Variants in TMEM135 observed in about 807,000 individuals in gnomAD.
TMEM135 encodes peroxisomal membrane protein 52.
Under a neutral mutation model 60.3 loss-of-function variants are expected in TMEM135, and 30 were observed. The observed-to-expected ratio is 0.50, with a 90% CI of 0.37 to 0.68. The LOEUF is 0.68. Ranked by LOEUF, TMEM135 falls within the 30% of genes least tolerant of loss-of-function variation. The probability of loss-of-function intolerance (pLI) is 0.00; values close to 1 mark genes in which losing one functional copy is unlikely to be tolerated. For missense variants in TMEM135, 468 were observed against 548.8 expected, an observed-to-expected ratio of 0.85 and a Z score of 1.47; for synonymous variants, 190 against 186.7, an observed-to-expected ratio of 1.02 and a Z score of -0.14.
intron 5 of TMEM135, among the ~76,000 whole-genome samples, chr11:87,165,888 TAAA>T (rs1261061745): frequency 6.7e-6 from 1 of 150,136 alleles, no homozygotes; most frequent in African/African-American, 2.5e-5. Flanking sequence ...ATAGACGCAA[TAAA>T]AAATGATAAA....
At chr11:87,087,638 C>T (rs78363077) in intron 3 of TMEM135, among the ~76,000 whole-genome samples, 2,273 of 152,230 alleles carry the variant, frequency 0.015, 62 homozygotes, top group African/African-American at 0.052. Context: ...GTGTTATACT[C>T]GGCTTAATCA....
intron 4 of TMEM135, among the ~76,000 whole-genome samples, chr11:87,129,633 C>T (rs893321219): frequency 4.0e-5 from 6 of 150,716 alleles, no homozygotes; most frequent in East Asian, 1.9e-4. Context: ...CTCTGCCCCC[C>T]GGGTTCAAGC....
intron 3 of TMEM135, among the ~76,000 whole-genome samples, chr11:87,082,777 A>G (rs1158747572): frequency 6.6e-6 from 1 of 152,214 alleles, no homozygotes; most frequent in African/African-American, 2.4e-5. Flanking sequence ...AATATACGAG[A>G]AAGAGTAGAA....
chr11:87,066,355 C>T (rs1000215555), intron 1 of TMEM135, among the ~76,000 whole-genome samples: 2 of 152,056 alleles, frequency 1.3e-5, no homozygotes, highest in Admixed American at 1.3e-4. Flanking sequence ...TCCTGCCTTC[C>T]CCTGTATTAA....
intron 10 of TMEM135, among the ~76,000 whole-genome samples, chr11:87,311,107 CTATATA>C (rs10572803): frequency 6.7e-6 from 1 of 148,478 alleles, no homozygotes; most frequent in Non-Finnish European, 1.5e-5. Context: ...ATATATATGT[CTATATA>C]TATATATATA....
At chr11:87,061,076 T>G (rs1177969019) in intron 1 of TMEM135, among the ~76,000 whole-genome samples, 1 of 152,168 alleles carries the variant, frequency 6.6e-6, no homozygotes, top group Non-Finnish European at 1.5e-5. Context: ...GGGGTAAAGA[T>G]TGTTATGAAA....
intron 7 of TMEM135, 48 bp downstream of exon 7, chr11:87,295,871 TA>T (rs773727061): frequency 3.5e-5 from 49 of 1,419,038 alleles, no homozygotes; most frequent in South Asian, 4.8e-5. Context: ...CAAGTTAACT[TA>T]AAAAATTATA....
chr11:87,298,763 G>C (rs1942390839), intron 7 of TMEM135, among the ~76,000 whole-genome samples: 1 of 126,858 alleles, frequency 7.9e-6, no homozygotes, highest in Non-Finnish European at 1.6e-5. Flanking sequence ...CTCCAGCCTG[G>C]GTGACAGAGT....
At chr11:87,095,542 A>T in intron 4 of TMEM135, 1 of 199,694 alleles carries the variant, frequency 5.0e-6, no homozygotes, top group Non-Finnish European at 1.1e-5. Flanking sequence ...TGATACATTT[A>T]AGCCTGTCCG....
At chr11:87,285,465 A>G (rs1257129015) in intron 6 of TMEM135, among the ~76,000 whole-genome samples, 1 of 151,776 alleles carries the variant, frequency 6.6e-6, no homozygotes, top group Non-Finnish European at 1.5e-5. Flanking sequence ...GGGTTCATGG[A>G]CTCACTGGCT....
intron 4 of TMEM135, among the ~76,000 whole-genome samples, chr11:87,107,666 A>G (rs1169522275): frequency 6.6e-6 from 1 of 152,138 alleles, no homozygotes; most frequent in Non-Finnish European, 1.5e-5. Context: ...GCTATCATTA[A>G]TGGACATTTG....
At chr11:87,063,238 A>G (rs1375004041) in intron 1 of TMEM135, among the ~76,000 whole-genome samples, 6 of 152,232 alleles carry the variant, frequency 3.9e-5, no homozygotes, top group Non-Finnish European at 8.8e-5. Flanking sequence ...TTCCTAGGGC[A>G]TGAAATAGTC....
chr11:87,089,149 C>A (rs1857155633), intron 3 of TMEM135, among the ~76,000 whole-genome samples: 1 of 152,056 alleles, frequency 6.6e-6, no homozygotes, highest in African/African-American at 2.4e-5. Context: ...TATGCAAATA[C>A]TACAAAATAC....
At position 87,083,702 on chromosome 11, in the gene TMEM135, C is replaced by T. The variant is rs898559835; in HGVS notation, c.363-7660C>T. 5.3e-5 allele frequency among the ~76,000 whole-genome samples: 8 copies of T among 152,120 alleles called. No homozygotes were observed. In the East Asian group the frequency reaches 1.5e-3, roughly 29 times the overall value. ...ACTTTGTAGCCTTCTGTAAAGTTTA[C>T]TCTTTATGTACTATATAAGATAGAA... On this transcript the variant is annotated intron_variant, in intron 3 of 14. Transcript: ENST00000305494.
At chr11:87,093,960 C>T (rs527303760) in intron 4 of TMEM135, among the ~76,000 whole-genome samples, 4 of 152,196 alleles carry the variant, frequency 2.6e-5, no homozygotes, top group South Asian at 2.1e-4. Flanking sequence ...TTAAATGTTA[C>T]GTAAATATTC....
intron 5 of TMEM135, among the ~76,000 whole-genome samples, chr11:87,218,863 A>C (rs1418879809): frequency 6.6e-6 from 1 of 152,068 alleles, no homozygotes. Flanking sequence ...TCGGGAGGCT[A>C]AGGCAGGAGA....
chr11:87,063,616 A>G (rs1315366335), intron 1 of TMEM135, among the ~76,000 whole-genome samples: 2 of 152,190 alleles, frequency 1.3e-5, no homozygotes. Flanking sequence ...ACACTGGGGA[A>G]AACAGAGGCA....
At chr11:87,304,830 C>T (rs535386008) in intron 8 of TMEM135, among the ~76,000 whole-genome samples, 6 of 152,194 alleles carry the variant, frequency 3.9e-5, no homozygotes, top group South Asian at 4.2e-4. Flanking sequence ...TTATAAAGAC[C>T]GCTTATTTTG....
Position 87,058,572 on chromosome 11 carries a change from C to G in TMEM135, c.142-9122C>G, listed in dbSNP as rs144057103. 5.2e-3 allele frequency among the ~76,000 whole-genome samples: 784 copies of G among 152,100 alleles called. 12 individuals are homozygous for G. Among genetic ancestry groups the G allele is most frequent in the African/African-American group, 0.018 (745 of 41,492 alleles). On this transcript the variant is annotated intron_variant, in intron 1 of 14. Coordinates refer to ENST00000305494, the MANE Select transcript of TMEM135 (RefSeq NM_022918.4). ...TCTTGAACTTCTGGTCTCAAGTGAT[C>G]CACCCGCCTTGGCCTATGATAAATT...
Sources: allele counts gnomAD v4.1 joint callset (sites outside exome capture counted in the v4.1 genomes callset), GRCh38; gene constraint gnomAD v4.1.1; transcripts MANE v1.5; gene names NCBI Gene and HGNC (gene_info 2026-07-23, HGNC 2026-07-21).